USH2A: variants seen among roughly 807,000 people sequenced by gnomAD.
USH2A encodes usherin.
USH2A carries 443 observed loss-of-function variants against 538.9 expected under a neutral mutation model. That is an observed-to-expected ratio of 0.82 (90% CI 0.76 to 0.89). The LOEUF (loss-of-function observed/expected upper bound fraction) is 0.89. Ranked by LOEUF, USH2A falls within the 40% of genes least tolerant of loss-of-function variation. USH2A has a pLI of 0.00. For missense variants in USH2A, 6,633 were observed against 6,324.8 expected (o/e 1.05, Z -1.65); for synonymous variants, 2,413 against 2,273.5 (o/e 1.06, Z -1.75).
chr1:215,827,735 T>C (rs1663195723), intron 47 of USH2A, among the ~76,000 whole-genome samples: 1 of 152,110 alleles, frequency 6.6e-6, no homozygotes, highest in South Asian at 2.1e-4. Context: ...TTAGTCCATA[T>C]TAAAAATAGT....
chr1:215,834,774 T>C (rs1337344047), intron 47 of USH2A, among the ~76,000 whole-genome samples: 2 of 151,978 alleles, frequency 1.3e-5, no homozygotes, highest in African/African-American at 4.8e-5. Flanking sequence ...CTTGTCTTTT[T>C]TTTTTTTAAA....
At chr1:215,848,610 G>A (rs12126346) in intron 44 of USH2A, among the ~76,000 whole-genome samples, 9 of 152,088 alleles carry the variant, frequency 5.9e-5, no homozygotes, top group Admixed American at 2.6e-4. Flanking sequence ...TGGTGATTCC[G>A]TTCCATTGTT....
At chr1:216,232,657 C>A (rs2035724109) in intron 13 of USH2A, among the ~76,000 whole-genome samples, 1 of 152,172 alleles carries the variant, frequency 6.6e-6, no homozygotes, top group South Asian at 2.1e-4. Flanking sequence ...CTTGCATCCT[C>A]CACTTCTCTG....
chr1:216,398,702 A>G (rs1034983690), intron 3 of USH2A, among the ~76,000 whole-genome samples: 10 of 152,132 alleles, frequency 6.6e-5, no homozygotes, highest in African/African-American at 2.4e-4. Context: ...AGTGGTGTTG[A>G]CAGGGCCAAG....
At chr1:215,929,101 A>G (rs539005365) in intron 38 of USH2A, among the ~76,000 whole-genome samples, 1 of 152,272 alleles carries the variant, frequency 6.6e-6, no homozygotes, top group African/African-American at 2.4e-5. Flanking sequence ...AAAACATGAA[A>G]ACATCTTAGG....
chr1:215,743,355 GA>G lies in USH2A; in HGVS notation c.11390-21del. The G allele has an allele frequency of 2.0e-6, 3 of 1,509,528 alleles. No individual in the cohort carries two copies. Among genetic ancestry groups the G allele is most frequent in the South Asian group, 1.1e-5 (1 of 88,400 alleles). The allele number at this position is 1,509,528 out of a possible 1,614,324, so 93.5% of individuals were successfully genotyped here. A position where few individuals can be genotyped will look rare whatever the true frequency, so the allele number is the denominator to read the frequency against. ...GGATCCCTTTAAAGAGAGAGAGAGA[GA>G]GAGAACATTAAAAACATATATATAT... On this transcript the variant is annotated intron_variant, in intron 58 of 71. Transcript: ENST00000307340.
chr1:216,394,852 G>A (rs1017003595), intron 3 of USH2A, among the ~76,000 whole-genome samples: 7 of 150,960 alleles, frequency 4.6e-5, no homozygotes, highest in Admixed American at 1.3e-4. Flanking sequence ...CCAAGTAGCT[G>A]GGACTACAGG....
At position 216,247,228 on chromosome 1, in the gene USH2A, T is replaced by C. The variant is rs993185407; in HGVS notation, c.2168-2A>G. 3.1e-6 allele frequency: 5 copies of C among 1,613,792 alleles called. No individual in the cohort carries two copies. The highest frequency in any genetic ancestry group is 4.2e-6 in the Non-Finnish European group (5 of 1,179,856). On this transcript the variant is annotated splice_acceptor_variant, in intron 12 of 71. Coordinates refer to ENST00000307340, the MANE Select transcript of USH2A (RefSeq NM_206933.4). LOFTEE classifies it high-confidence loss of function. Reference sequence around the variant, plus strand: ...AATTGCAATGATCACACCTAAGCCCTAAAGATAAAATATATTTAAAAGGTG... The same window carrying C: ...AATTGCAATGATCACACCTAAGCCCCAAAGATAAAATATATTTAAAAGGTG...
chr1:216,053,311 CA>C (rs1395760928), intron 30 of USH2A, among the ~76,000 whole-genome samples: 9 of 152,074 alleles, frequency 5.9e-5, no homozygotes, highest in Non-Finnish European at 1.3e-4. Flanking sequence ...ACAGAAAGCC[CA>C]AAAATAGAAA....
intron 38 of USH2A, among the ~76,000 whole-genome samples, chr1:215,913,538 G>C (rs1399837194): frequency 6.6e-6 from 1 of 152,206 alleles, no homozygotes; most frequent in Non-Finnish European, 1.5e-5. Flanking sequence ...TTGTAGGACA[G>C]ATAAAGAGTC....
chr1:216,196,557 GA>G lies in USH2A; in HGVS notation c.4246del (p.Ser1416HisfsTer16). 1 of 1,613,366 alleles carries G rather than the reference GA, an allele frequency of 6.2e-7. No individual in the cohort carries two copies. The highest frequency in any genetic ancestry group is 8.5e-7 in the Non-Finnish European group (1 of 1,179,530). ...SPQQSIPMAF[S>X]QLLHTAKSQE... Reference sequence around the variant, plus strand: ...ATTAGTTAAAAATAACAATACCTGTGAAAACGCCATGGGAATAGACTGTTGA... The same window carrying G: ...ATTAGTTAAAAATAACAATACCTGTGAAACGCCATGGGAATAGACTGTTGA... On this transcript the variant is annotated frameshift_variant, in exon 19 of 72. Transcript: ENST00000307340. LOFTEE classifies it high-confidence loss of function.
chr1:216,165,625 A>C (rs1176899243), intron 21 of USH2A, among the ~76,000 whole-genome samples: 1 of 152,192 alleles, frequency 6.6e-6, no homozygotes, highest in Non-Finnish European at 1.5e-5. Context: ...TTTGCCATTA[A>C]ATAATTCTTA....
chr1:215,981,987 C>G (rs1007319878), intron 35 of USH2A, among the ~76,000 whole-genome samples: 1 of 152,168 alleles, frequency 6.6e-6, no homozygotes, highest in Non-Finnish European at 1.5e-5. Flanking sequence ...CAATTTTGTG[C>G]ATATACATTT....
intron 47 of USH2A, among the ~76,000 whole-genome samples, chr1:215,832,239 C>A (rs12065800): frequency 0.011 from 1,633 of 151,954 alleles, 33 homozygotes; most frequent in African/African-American, 0.037. Flanking sequence ...TTTGTACAAT[C>A]TCTTCCACAA....
rs148581307 is a variant in USH2A at position 216,353,755 on chromosome 1, A to T, written c.784+11198T>A. On this transcript the variant is annotated intron_variant, in intron 4 of 71. Transcript: ENST00000307340. ...TTCAACATCTGCTTTAAATGTAAAAAGTTGTAAGGGACCATCACTTTGCTG... is the reference window on the plus strand; with the variant it reads ...TTCAACATCTGCTTTAAATGTAAAATGTTGTAAGGGACCATCACTTTGCTG... 9.7e-4 allele frequency among the ~76,000 whole-genome samples: 148 copies of T among 152,266 alleles called. 1 individual carries two copies. The East Asian group carries it at 0.021, about 22-fold the overall frequency.
At chr1:216,319,247 A>G (rs2037563671) in intron 9 of USH2A, among the ~76,000 whole-genome samples, 2 of 152,222 alleles carry the variant, frequency 1.3e-5, no homozygotes, top group African/African-American at 4.8e-5. Flanking sequence ...GATCAAAAGA[A>G]GACAGTAGAA....
At chr1:216,334,781 T>G (rs866108876) in intron 4 of USH2A, among the ~76,000 whole-genome samples, 1 of 151,866 alleles carries the variant, frequency 6.6e-6, no homozygotes, top group Non-Finnish European at 1.5e-5. Context: ...ATTATAATCA[T>G]GTATGTGTCT....
intron 35 of USH2A, among the ~76,000 whole-genome samples, chr1:215,986,778 C>A (rs1035009769): frequency 6.6e-6 from 1 of 152,156 alleles, no homozygotes; most frequent in Admixed American, 6.5e-5. Context: ...CTTCTCACAT[C>A]AACACTATTA....
chr1:216,155,973 A>T (rs1358417236), intron 21 of USH2A, among the ~76,000 whole-genome samples: 3 of 152,206 alleles, frequency 2.0e-5, no homozygotes, highest in African/African-American at 7.2e-5. Context: ...CAGTGAAAAT[A>T]TCAGCATGCC....
Sources: allele counts gnomAD v4.1 joint callset (sites outside exome capture counted in the v4.1 genomes callset), GRCh38; gene constraint gnomAD v4.1.1; transcripts MANE v1.5; gene names NCBI Gene and HGNC (gene_info 2026-07-23, HGNC 2026-07-21).